CSMD2: variants seen among roughly 807,000 people sequenced by gnomAD.
CSMD2 encodes CUB and sushi domain-containing protein 2.
Under a neutral mutation model 398.5 loss-of-function variants are expected in CSMD2, and 130 were observed. The observed-to-expected ratio is 0.33, with a 90% CI of 0.28 to 0.38. CSMD2 has a LOEUF of 0.38. Ranked by LOEUF, CSMD2 falls within the 10% of genes least tolerant of loss-of-function variation. The probability of loss-of-function intolerance (pLI) is 1.00; values close to 1 mark genes in which losing one functional copy is unlikely to be tolerated. For synonymous variants in CSMD2, 1,828 were observed against 1,908.5 expected (o/e 0.96, Z 1.10); for missense variants, 3,829 against 4,764.9 (o/e 0.80, Z 5.78).
chr1:33,695,341 T>C (rs373367652), intron 24 of CSMD2, among the ~76,000 whole-genome samples: 12 of 152,258 alleles, frequency 7.9e-5, no homozygotes, highest in African/African-American at 2.6e-4. Context: ...TGTGAGTTAA[T>C]TGACTGCATG....
intron 12 of CSMD2, among the ~76,000 whole-genome samples, chr1:33,778,512 C>G (rs1443151164): frequency 6.6e-6 from 1 of 152,044 alleles, no homozygotes; most frequent in Non-Finnish European, 1.5e-5. Context: ...ACTCCCACCC[C>G]CTAGAATGTA....
intron 3 of CSMD2, among the ~76,000 whole-genome samples, chr1:33,984,836 GAGGAAGGA>G (rs762634602): frequency 6.7e-6 from 1 of 148,806 alleles, no homozygotes; most frequent in Non-Finnish European, 1.5e-5. Context: ...AGGAGGGAAG[GAGGAAGGA>G]AGGAAGGAAG....
At position 33,918,105 on chromosome 1, in the gene CSMD2, GC is replaced by G; in HGVS notation, c.908del (p.Gly303AlafsTer49). ...GATGTTGTGCTTACCAGAGGGAGGA[GC>G]CTTCTGTCCCAGTGACTTCCAGAAA... is the stretch of plus-strand genomic sequence containing the variant. ...YDFLEVTGTE[G>X]SSLWFTGASL... On this transcript the variant is annotated frameshift_variant, in exon 5 of 71. Transcript: ENST00000373381. LOFTEE classifies it high-confidence loss of function. 6.2e-7 allele frequency: 1 copy of G among 1,613,680 alleles called. No homozygotes were observed. The highest frequency in any genetic ancestry group is 8.5e-7 in the Non-Finnish European group (1 of 1,179,928).
intron 3 of CSMD2, among the ~76,000 whole-genome samples, chr1:33,952,338 G>A (rs1002992049): frequency 2.0e-5 from 3 of 152,206 alleles, no homozygotes; most frequent in Non-Finnish European, 4.4e-5. Context: ...AATAACAGTA[G>A]TGATGGTGGA....
rs766209409 is a variant in CSMD2, at chr1:33,819,703, G to A, written c.1324+10C>T. On this transcript the variant is annotated intron_variant, in intron 9 of 70. Coordinates refer to ENST00000373381, the MANE Select transcript of CSMD2 (RefSeq NM_001281956.2). ...CTCTGGCCAGCCTCCCTTCCCCAGG[G>A]CACCCTCACCTCGGCAGACTGGCCT... 4 of 1,611,956 alleles carry A rather than the reference G, an allele frequency of 2.5e-6. No individual in the cohort carries two copies. The highest frequency in any genetic ancestry group is 2.5e-6 in the Non-Finnish European group (3 of 1,179,482).
intron 3 of CSMD2, among the ~76,000 whole-genome samples, chr1:34,020,784 C>T (rs370295586): frequency 2.6e-5 from 4 of 152,102 alleles, no homozygotes; most frequent in South Asian, 2.1e-4. Context: ...GGTTATGTGT[C>T]GGTTGTTGTC....
chr1:33,633,600 G>A lies in CSMD2; in HGVS notation c.5087-65C>T. On this transcript the variant is annotated intron_variant, in intron 31 of 70. Coordinates refer to ENST00000373381, the MANE Select transcript of CSMD2 (RefSeq NM_001281956.2). The surrounding 1 kb of genome is among the most constrained non-coding windows in gnomAD (Gnocchi z 5.0). ...TGGGGGCAGGAGAGGGGATCTAGGG[G>A]TCTAGGGGCCCAAGCCAGGAGGAGG... The A allele has an allele frequency of 7.9e-7, 1 of 1,266,432 alleles. No individual in the cohort carries two copies. The highest frequency in any genetic ancestry group is 2.0e-4 in the Middle Eastern group (1 of 4,942). The allele number at this position is 1,266,432 out of a possible 1,614,324, so 78.4% of individuals were successfully genotyped here.
intron 13 of CSMD2, among the ~76,000 whole-genome samples, chr1:33,768,445 T>G (rs967277368): frequency 4.6e-5 from 7 of 152,056 alleles, no homozygotes; most frequent in African/African-American, 1.7e-4. Context: ...AGTGCTAAGT[T>G]TGAGAAACTC....
rs772933994 is a variant in CSMD2 at position 33,724,514 on chromosome 1, A to C, written c.2884+2T>G. ...TTAGCGCCCCCTCATGGTGTCCCTC[A>C]CCTTCACAACTGGGCAGGGCCCGGC... On this transcript the variant is annotated splice_donor_variant, in intron 18 of 70. Transcript: ENST00000373381. LOFTEE classifies it high-confidence loss of function. 1 of 1,612,994 alleles carries C rather than the reference A, an allele frequency of 6.2e-7. No individual in the cohort carries two copies. The highest frequency in any genetic ancestry group is 1.3e-5 in the African/African-American group (1 of 74,956).
At chr1:33,887,966 C>A in intron 5 of CSMD2, among the ~76,000 whole-genome samples, 1 of 151,550 alleles carries the variant, frequency 6.6e-6, no homozygotes, top group African/African-American at 2.4e-5. Flanking sequence ...TATTTACCAG[C>A]AATAAGCAAC....
At chr1:33,783,055 C>T (rs911947288) in intron 12 of CSMD2, among the ~76,000 whole-genome samples, 3 of 151,934 alleles carry the variant, frequency 2.0e-5, no homozygotes, top group Admixed American at 6.6e-5. Context: ...AGCAGTGAAA[C>T]AGAAGTGGGA....
At chr1:34,133,568 T>G (rs1192405989) in intron 1 of CSMD2, among the ~76,000 whole-genome samples, 3 of 151,484 alleles carry the variant, frequency 2.0e-5, no homozygotes, top group African/African-American at 7.3e-5. Flanking sequence ...GAGGTGGAGG[T>G]TGCAGTGAGC....
intron 57 of CSMD2, 44 bp downstream of exon 57, chr1:33,545,993 T>C (rs1557513577): frequency 6.4e-7 from 1 of 1,570,234 alleles, no homozygotes; most frequent in Non-Finnish European, 8.7e-7. Flanking sequence ...GGGCGAGCTC[T>C]GGGGCTGGGC....
At chr1:33,864,811 T>G (rs923453048) in intron 5 of CSMD2, 1 of 1,425,396 alleles carries the variant, frequency 7.0e-7, no homozygotes, top group East Asian at 2.3e-5. Context: ...CCTGGTCTCA[T>G]GTGTGGCATT....
At chr1:34,024,349 A>G (rs1364614231) in intron 3 of CSMD2, among the ~76,000 whole-genome samples, 1 of 152,218 alleles carries the variant, frequency 6.6e-6, no homozygotes, top group Non-Finnish European at 1.5e-5. Context: ...CTTCCTCCTC[A>G]TCACTGTTTC....
chr1:34,148,547 GTACTGTGC>G (rs1639994730), intron 1 of CSMD2, among the ~76,000 whole-genome samples: 2 of 152,162 alleles, frequency 1.3e-5, no homozygotes, highest in African/African-American at 4.8e-5. Context: ...CATGCTGCAG[GTACTGTGC>G]TACATCTGCG....
intron 5 of CSMD2, among the ~76,000 whole-genome samples, chr1:33,865,997 G>A (rs1640004285): frequency 6.6e-6 from 1 of 152,178 alleles, no homozygotes. Context: ...ATGCAAAGCT[G>A]CTTTTTTGTC....
At chr1:33,641,779 G>A (rs183143530) in intron 29 of CSMD2, among the ~76,000 whole-genome samples, 61 of 152,286 alleles carry the variant, frequency 4.0e-4, no homozygotes, top group Non-Finnish European at 6.0e-4. Flanking sequence ...AGAAGGGTCC[G>A]TCGGTCTAGT....
intron 4 of CSMD2, among the ~76,000 whole-genome samples, chr1:33,921,944 G>A (rs1643955228): frequency 6.6e-6 from 1 of 152,158 alleles, no homozygotes; most frequent in African/African-American, 2.4e-5. Context: ...GCTGCAACTA[G>A]GCAGGGAGGA....
Sources: allele counts gnomAD v4.1 joint callset (sites outside exome capture counted in the v4.1 genomes callset), GRCh38; gene constraint gnomAD v4.1.1; non-coding constraint Gnocchi (gnomAD v3.1); transcripts MANE v1.5; gene names NCBI Gene and HGNC (gene_info 2026-07-23, HGNC 2026-07-21).